ALDH1A2: variants seen among roughly 807,000 people sequenced by gnomAD.
ALDH1A2 encodes retinal dehydrogenase 2.
In ALDH1A2, 27 loss-of-function variants were observed where a neutral mutation model predicts 60.3. That is an observed-to-expected ratio of 0.45 (90% CI 0.33 to 0.62). The LOEUF is 0.62. ALDH1A2 is among the 20% of genes least tolerant of loss of function. ALDH1A2 has a pLI of 0.02. For missense variants in ALDH1A2, 581 were observed against 643.8 expected, an observed-to-expected ratio of 0.90 and a Z score of 1.06; for synonymous variants, 289 against 232.4, an observed-to-expected ratio of 1.24 and a Z score of -2.21.
intron 1 of ALDH1A2, among the ~76,000 whole-genome samples, chr15:58,041,538 G>T (rs764876706): frequency 6.6e-6 from 1 of 151,924 alleles, no homozygotes; most frequent in African/African-American, 2.4e-5. Flanking sequence ...GGCAGATTCA[G>T]TGTCTGGTGA....
At chr15:58,038,747 G>A (rs1387869613) in intron 1 of ALDH1A2, among the ~76,000 whole-genome samples, 1 of 151,736 alleles carries the variant, frequency 6.6e-6, no homozygotes, top group Non-Finnish European at 1.5e-5. Flanking sequence ...AAGGCAATGG[G>A]AATTGCTACT....
At chr15:58,015,922 T>C (rs1895775939) in intron 1 of ALDH1A2, among the ~76,000 whole-genome samples, 1 of 152,228 alleles carries the variant, frequency 6.6e-6, no homozygotes, top group Non-Finnish European at 1.5e-5. Flanking sequence ...TCACAGCTGA[T>C]AGCTCATTAC....
chr15:58,035,194 T>C (rs1896346550), intron 1 of ALDH1A2, among the ~76,000 whole-genome samples: 1 of 151,766 alleles, frequency 6.6e-6, no homozygotes, highest in South Asian at 2.1e-4. Context: ...CATCTTTCAA[T>C]GAATTGGCCC....
chr15:58,032,607 AAC>A (rs1320122306), intron 1 of ALDH1A2, among the ~76,000 whole-genome samples: 10 of 152,254 alleles, frequency 6.6e-5, no homozygotes, highest in Admixed American at 5.2e-4. Flanking sequence ...CACTATGGAA[AAC>A]AGTGTATGTG....
intron 1 of ALDH1A2, among the ~76,000 whole-genome samples, chr15:58,048,579 T>C (rs1391737085): frequency 6.6e-6 from 1 of 151,940 alleles, no homozygotes; most frequent in Admixed American, 6.6e-5. Context: ...TGATGCTGCT[T>C]GAGATATTCA....
intron 4 of ALDH1A2, among the ~76,000 whole-genome samples, chr15:58,005,095 T>C (rs1444435040): frequency 6.6e-6 from 1 of 151,798 alleles, no homozygotes; most frequent in Non-Finnish European, 1.5e-5. Context: ...TCTACTGTCT[T>C]TCATATCTGC....
At chr15:58,024,526 T>C (rs1210349746) in intron 1 of ALDH1A2, among the ~76,000 whole-genome samples, 1 of 152,120 alleles carries the variant, frequency 6.6e-6, no homozygotes, top group Non-Finnish European at 1.5e-5. Context: ...AAAATCTAAA[T>C]ATATATGTAT....
chr15:58,000,687 G>A (rs536678829), intron 4 of ALDH1A2, among the ~76,000 whole-genome samples: 4 of 151,896 alleles, frequency 2.6e-5, no homozygotes, highest in South Asian at 2.1e-4. Flanking sequence ...AGTGCTACAC[G>A]GGATGCTATA....
intron 1 of ALDH1A2, among the ~76,000 whole-genome samples, chr15:58,056,642 G>C (rs1896902268): frequency 6.6e-6 from 1 of 152,044 alleles, no homozygotes; most frequent in Non-Finnish European, 1.5e-5. Flanking sequence ...GAAAATGTTT[G>C]CATAGTAAAT....
At chr15:58,028,897 A>T (rs1278506872) in intron 1 of ALDH1A2, among the ~76,000 whole-genome samples, 1 of 152,296 alleles carries the variant, frequency 6.6e-6, no homozygotes, top group East Asian at 1.9e-4. Context: ...CAGACTCATG[A>T]AGCAAGTCCT....
chr15:58,049,924 G>A (rs1463540142), intron 1 of ALDH1A2, among the ~76,000 whole-genome samples: 4 of 151,974 alleles, frequency 2.6e-5, no homozygotes, highest in African/African-American at 9.7e-5. Context: ...GGTTCAATTA[G>A]TCTTCTGTCT....
chr15:57,965,597 A>G, intron 8 of ALDH1A2, 128 bp downstream of exon 8: 1 of 799,968 alleles, frequency 1.3e-6, no homozygotes, highest in Non-Finnish European at 2.2e-6. Flanking sequence ...TTTTCTCCTT[A>G]GAGGAGATCT....
chr15:58,024,331 T>A (rs1352683488), intron 1 of ALDH1A2, among the ~76,000 whole-genome samples: 1 of 151,852 alleles, frequency 6.6e-6, no homozygotes, highest in East Asian at 1.9e-4. Context: ...TAGAAGAAAC[T>A]CACTTTACCA....
Position 57,966,507 on chromosome 15 carries a change from C to G in ALDH1A2, c.799-680G>C, listed in dbSNP as rs191525704. 7.9e-5 allele frequency among the ~76,000 whole-genome samples: 12 copies of G among 152,300 alleles called. No homozygotes were observed. The East Asian group carries it at 2.3e-3, about 29-fold the overall frequency. Reference sequence around the variant, plus strand: ...GGAAGCAAAGATCCACCACTTAGAGCCCCTGCTCAAGGCAGAACTCTACCT... The same window carrying G: ...GGAAGCAAAGATCCACCACTTAGAGGCCCTGCTCAAGGCAGAACTCTACCT... On this transcript the variant is annotated intron_variant, in intron 7 of 12. Coordinates refer to ENST00000249750, the MANE Select transcript of ALDH1A2 (RefSeq NM_003888.4).
intron 1 of ALDH1A2, among the ~76,000 whole-genome samples, chr15:58,048,952 TC>T (rs1275239193): frequency 1.8e-4 from 27 of 151,954 alleles, no homozygotes; most frequent in Admixed American, 1.6e-3. Context: ...TTTCCTTGTT[TC>T]CCTTTGTAAT....
intron 4 of ALDH1A2, among the ~76,000 whole-genome samples, chr15:57,995,935 A>C (rs1170301875): frequency 6.6e-6 from 1 of 152,146 alleles, no homozygotes; most frequent in Non-Finnish European, 1.5e-5. Flanking sequence ...TAAATGGTTA[A>C]TTAAAATTAC....
chr15:57,958,836 A>ACAAG (rs1295926237), intron 12 of ALDH1A2, among the ~76,000 whole-genome samples: 4 of 151,972 alleles, frequency 2.6e-5, no homozygotes, highest in African/African-American at 4.8e-5. Flanking sequence ...AAACAAACAA[A>ACAAG]CATGCAATCT....
chr15:58,055,750 A>G lies in ALDH1A2; in HGVS notation c.117+9784T>C, dbSNP rs189703291. Among the ~76,000 whole-genome samples the G allele has an allele frequency of 1.7e-3, 260 of 152,228 alleles. 2 individuals are homozygous for G. Among genetic ancestry groups the G allele is most frequent in the South Asian group, 0.011 (53 of 4,828 alleles). On this transcript the variant is annotated intron_variant, in intron 1 of 12. Coordinates refer to ENST00000249750, the MANE Select transcript of ALDH1A2 (RefSeq NM_003888.4). ...TTCAAACACAAAGGTAAATATATAC[A>G]CCAGCTTTGGGTTTAGAACTTAAGT...
intron 12 of ALDH1A2, among the ~76,000 whole-genome samples, chr15:57,957,570 G>A (rs1893571028): frequency 6.6e-6 from 1 of 152,190 alleles, no homozygotes; most frequent in Non-Finnish European, 1.5e-5. Flanking sequence ...TGCACGAAAG[G>A]TATGCATATC....
Sources: gnomAD v4.1 joint callset for allele counts (sites outside exome capture counted in the v4.1 genomes callset) on GRCh38, gnomAD v4.1.1 for gene constraint, MANE v1.5 for transcripts, NCBI Gene and HGNC (gene_info 2026-07-23, HGNC 2026-07-21) for gene names.